The following RIC1 variants were observed in gnomAD, a reference collection of about 807,000 sequenced individuals.
The protein encoded by RIC1 is RIC1 partner of RAB6A GEF complex.
A neutral mutation model predicts 169.0 loss-of-function variants in RIC1; 88 were observed. The ratio of observed to expected loss-of-function variants is 0.52; its 90% confidence interval spans 0.44 to 0.62. RIC1 has a LOEUF of 0.62. Among genes scored for constraint, RIC1 ranks in the 20% least tolerant of loss-of-function variants. The pLI, the probability that RIC1 is intolerant of heterozygous loss-of-function variation, is 0.00. For missense variants in RIC1, 1,877 were observed against 1,725.5 expected (o/e 1.09, Z -1.56); for synonymous variants, 790 against 601.5 (o/e 1.31, Z -4.59).
At chr9:5,680,815 A>ATTTTTTTTTTTT (rs66478510) in intron 2 of RIC1, among the ~76,000 whole-genome samples, 6 of 57,766 alleles carry the variant, frequency 1.0e-4, no homozygotes, top group Non-Finnish European at 2.0e-4. Context: ...GCAGTCATTG[A>ATTTTTTTTTTTT]TTTTTTTTTT....
intron 3 of RIC1, among the ~76,000 whole-genome samples, chr9:5,711,294 C>T (rs957577488): frequency 2.0e-5 from 3 of 152,262 alleles, no homozygotes; most frequent in Non-Finnish European, 4.4e-5. Context: ...ACATCCCCCT[C>T]TCCCCATGCA....
At chr9:5,663,734 A>G (rs923168707) in intron 2 of RIC1, among the ~76,000 whole-genome samples, 1 of 152,204 alleles carries the variant, frequency 6.6e-6, no homozygotes, top group East Asian at 1.9e-4. Flanking sequence ...TGAAGACAGC[A>G]TACCGCTGGG....
At chr9:5,686,774 T>C (rs546960662) in intron 2 of RIC1, among the ~76,000 whole-genome samples, 1 of 149,956 alleles carries the variant, frequency 6.7e-6, no homozygotes, top group South Asian at 2.1e-4. Flanking sequence ...ACTTAAAGTA[T>C]AATAATAAAA....
At chr9:5,645,977 T>C (rs1161352632) in intron 1 of RIC1, among the ~76,000 whole-genome samples, 2 of 149,552 alleles carry the variant, frequency 1.3e-5, no homozygotes, top group African/African-American at 4.9e-5. Context: ...AAATTTTGCT[T>C]TTTTTTTTAA....
At chr9:5,766,854 A>AC (rs1454922784) in intron 21 of RIC1, among the ~76,000 whole-genome samples, 3 of 152,042 alleles carry the variant, frequency 2.0e-5, no homozygotes, top group Admixed American at 2.0e-4. Flanking sequence ...TCTGGGTAGA[A>AC]CCCCAGTAGT....
At chr9:5,649,547 T>C (rs1818692382) in intron 1 of RIC1, among the ~76,000 whole-genome samples, 1 of 152,184 alleles carries the variant, frequency 6.6e-6, no homozygotes, top group African/African-American at 2.4e-5. Context: ...TTATGATATC[T>C]ATCTTTTTGG....
chr9:5,643,778 T>C (rs972761065), intron 1 of RIC1, among the ~76,000 whole-genome samples: 10 of 152,222 alleles, frequency 6.6e-5, no homozygotes, highest in Non-Finnish European at 1.0e-4. Flanking sequence ...TGTTAGGCAA[T>C]TTATTTAATC....
chr9:5,673,377 A>G (rs756131984), intron 2 of RIC1, among the ~76,000 whole-genome samples: 21 of 151,804 alleles, frequency 1.4e-4, no homozygotes, highest in Non-Finnish European at 2.6e-4. Flanking sequence ...ATAAACAGGA[A>G]TTCTAGGAAC....
chr9:5,655,295 T>C (rs1383652740), intron 1 of RIC1, among the ~76,000 whole-genome samples: 1 of 152,092 alleles, frequency 6.6e-6, no homozygotes, highest in Non-Finnish European at 1.5e-5. Flanking sequence ...CTCAGTGTTT[T>C]TTGTTTATTT....
rs1173698139 is a variant in RIC1 at position 5,720,570 on chromosome 9, A to T, written c.584-44A>T. 2.6e-6 allele frequency: 4 copies of T among 1,532,882 alleles called. No homozygotes were observed. The African/African-American group carries it at 5.6e-5, about 22-fold the overall frequency. 95.0% of individuals were successfully genotyped at this position (1,532,882 alleles called of 1,614,324 possible). On this transcript the variant is annotated intron_variant, in intron 5 of 25. Coordinates refer to ENST00000414202, the MANE Select transcript of RIC1 (RefSeq NM_020829.4). ...CTGGCAAAAAGTGAGAGAGTAATTT[A>T]TTATATTCTTAATCCTATTTCATGT...
intron 3 of RIC1, among the ~76,000 whole-genome samples, chr9:5,707,247 TTA>T (rs1822648027): frequency 1.3e-5 from 2 of 152,172 alleles, no homozygotes; most frequent in African/African-American, 4.8e-5. Context: ...AGAAGATACT[TTA>T]TGTGCTTTCA....
chr9:5,643,335 C>A (rs1169535761), intron 1 of RIC1, among the ~76,000 whole-genome samples: 1 of 151,856 alleles, frequency 6.6e-6, no homozygotes. Flanking sequence ...TAGATCATGT[C>A]AATATAAACA....
intron 9 of RIC1, among the ~76,000 whole-genome samples, chr9:5,743,349 C>T (rs1477003264): frequency 2.1e-4 from 32 of 152,048 alleles, no homozygotes; most frequent in Admixed American, 2.1e-3. Context: ...TAGAAAGTTA[C>T]GTTATCTCAT....
chr9:5,706,635 T>C (rs1054405633), intron 3 of RIC1, among the ~76,000 whole-genome samples: 1 of 152,208 alleles, frequency 6.6e-6, no homozygotes, highest in Non-Finnish European at 1.5e-5. Context: ...TTACTTATTA[T>C]AGGTCTATTC....
In RIC1 at chr9:5,642,604, G is replaced by T. The variant is rs748158623; in HGVS notation, c.144+13151G>T. ...TTGTGGCTAAGCAGGCACTCAAACCGTAACACAAAATTCTTCCCACTTTTT... is the reference window on the plus strand; with the variant it reads ...TTGTGGCTAAGCAGGCACTCAAACCTTAACACAAAATTCTTCCCACTTTTT... On this transcript the variant is annotated intron_variant, in intron 1 of 25. Coordinates refer to ENST00000414202, the MANE Select transcript of RIC1 (RefSeq NM_020829.4). Among the ~76,000 whole-genome samples the T allele has an allele frequency of 2.8e-5, 4 of 144,758 alleles. 1 individual carries two copies. The highest frequency in any genetic ancestry group is 8.5e-5 in the African/African-American group (3 of 35,396). 95.0% of individuals were successfully genotyped at this position (144,758 alleles called of 152,430 possible).
intron 1 of RIC1, among the ~76,000 whole-genome samples, chr9:5,654,599 G>A (rs1396571204): frequency 2.0e-5 from 3 of 152,008 alleles, no homozygotes; most frequent in Non-Finnish European, 4.4e-5. Flanking sequence ...GAGTGCAGTA[G>A]CGCAGTCTCA....
chr9:5,763,538 C>T lies in RIC1; in HGVS notation c.2511C>T (p.Val837=), dbSNP rs780084026. 9 of 1,614,058 alleles carry T rather than the reference C, an allele frequency of 5.6e-6. No homozygotes were observed. The East Asian group carries it at 2.0e-4, about 36-fold the overall frequency. The part of the protein sequence containing the change: ...YLHHILRQLL[V]RNLGEQALLL... ...ACCACATTCTACGTCAACTTCTGGT[C>T]AGAAACCTTGGGGAGCAAGCCTTGC... The change falls in exon 19 of 26, where the codon GTC becomes GTT. Residue 837 remains valine, a synonymous_variant. Transcript: ENST00000414202. The surrounding 1 kb of genome is among the most constrained non-coding windows in gnomAD (Gnocchi z 5.2).
chr9:5,687,855 A>G (rs1391950475), intron 2 of RIC1, among the ~76,000 whole-genome samples: 2 of 152,032 alleles, frequency 1.3e-5, no homozygotes, highest in African/African-American at 2.4e-5. Flanking sequence ...GTTTATATGT[A>G]TATTGGGCTA....
chr9:5,733,263 ATTT>A (rs71487829), intron 7 of RIC1, among the ~76,000 whole-genome samples: 4 of 134,844 alleles, frequency 3.0e-5, no homozygotes, highest in African/African-American at 5.5e-5. Flanking sequence ...AGTATCAAAG[ATTT>A]TTTTTTTTTT....
Sources: allele counts gnomAD v4.1 joint callset (sites outside exome capture counted in the v4.1 genomes callset), GRCh38; gene constraint gnomAD v4.1.1; non-coding constraint Gnocchi (gnomAD v3.1); transcripts MANE v1.5; gene names NCBI Gene and HGNC (gene_info 2026-07-23, HGNC 2026-07-21).